Variants in PCDH15 observed in about 807,000 individuals in gnomAD.
PCDH15 encodes protocadherin related 15, also known as protocadherin-15.
PCDH15 carries 129 observed loss-of-function variants against 178.5 expected under a neutral mutation model. That is an observed-to-expected ratio of 0.72 (90% CI 0.63 to 0.84). The LOEUF (loss-of-function observed/expected upper bound fraction) is 0.84. Ranked by LOEUF, PCDH15 falls within the 40% of genes least tolerant of loss-of-function variation. PCDH15 has a pLI of 0.00. For missense variants in PCDH15, 2,230 were observed against 2,099.9 expected (o/e 1.06, Z -1.21); for synonymous variants, 800 against 732.0 (o/e 1.09, Z -1.50).
At chr10:55,354,593 T>C (rs971257034) in intron 2 of PCDH15, among the ~76,000 whole-genome samples, 1 of 152,084 alleles carries the variant, frequency 6.6e-6, no homozygotes, top group Non-Finnish European at 1.5e-5. Flanking sequence ...TAAGAATATG[T>C]GTTAAAAATA....
At chr10:54,388,068 T>G (rs1589159277) in intron 3 of PCDH15, among the ~76,000 whole-genome samples, 1 of 152,198 alleles carries the variant, frequency 6.6e-6, no homozygotes, top group Non-Finnish European at 1.5e-5. Context: ...GCTGCACAAC[T>G]GTATGAATAT....
chr10:55,562,203 AACTTCAGT>A (rs1162190065), intron 2 of PCDH15, among the ~76,000 whole-genome samples: 1 of 151,940 alleles, frequency 6.6e-6, no homozygotes, highest in Admixed American at 6.6e-5. Flanking sequence ...AAGAACACAG[AACTTCAGT>A]TTAGCTGGAA....
chr10:55,624,077 A>G (rs1375964366), intron 2 of PCDH15, among the ~76,000 whole-genome samples: 2 of 152,072 alleles, frequency 1.3e-5, no homozygotes, highest in Non-Finnish European at 2.9e-5. Context: ...TTATTTTACA[A>G]AGAAGCCCTT....
At chr10:54,890,404 G>C (rs1254637694) in intron 3 of PCDH15, among the ~76,000 whole-genome samples, 2 of 151,910 alleles carry the variant, frequency 1.3e-5, no homozygotes, top group Non-Finnish European at 2.9e-5. Context: ...AAAGCAAAAA[G>C]ATAAATGTAA....
At chr10:54,960,551 C>T (rs1838617953) in intron 2 of PCDH15, among the ~76,000 whole-genome samples, 1 of 152,080 alleles carries the variant, frequency 6.6e-6, no homozygotes, top group Admixed American at 6.6e-5. Flanking sequence ...ATTTATGGGC[C>T]TGATTTCAGT....
At chr10:54,316,570 ACACAC>A (rs1053611716) in intron 8 of PCDH15, among the ~76,000 whole-genome samples, 5 of 46,114 alleles carry the variant, frequency 1.1e-4, no homozygotes, top group Admixed American at 4.0e-4. Context: ...ACACACACAC[ACACAC>A]AAATACACCT....
intron 8 of PCDH15, among the ~76,000 whole-genome samples, chr10:54,303,101 A>G (rs1224941599): frequency 6.6e-6 from 1 of 152,162 alleles, no homozygotes; most frequent in African/African-American, 2.4e-5. Flanking sequence ...GAGCCTTCAG[A>G]AGGGACTGGC....
At chr10:55,607,132 A>C (rs1465410743) in intron 2 of PCDH15, among the ~76,000 whole-genome samples, 50 of 152,250 alleles carry the variant, frequency 3.3e-4, no homozygotes, top group Admixed American at 2.4e-3. Context: ...ATGCAGCCAA[A>C]AAACACATGA....
intron 15 of PCDH15, among the ~76,000 whole-genome samples, chr10:54,125,067 A>C (rs1318994687): frequency 6.6e-6 from 1 of 152,216 alleles, no homozygotes; most frequent in Non-Finnish European, 1.5e-5. Flanking sequence ...AGAATGGATA[A>C]AGATTAAAAG....
intron 3 of PCDH15, among the ~76,000 whole-genome samples, chr10:54,438,885 C>T (rs2075612722): frequency 6.6e-6 from 1 of 152,216 alleles, no homozygotes; most frequent in East Asian, 1.9e-4. Flanking sequence ...AGCTAATTCA[C>T]TGTCTATATG....
chr10:54,354,364 C>T (rs979076299), intron 5 of PCDH15, among the ~76,000 whole-genome samples: 2 of 152,170 alleles, frequency 1.3e-5, no homozygotes, highest in African/African-American at 4.8e-5. Flanking sequence ...CACGTACATG[C>T]TTAAAGTAAA....
intron 2 of PCDH15, among the ~76,000 whole-genome samples, chr10:55,050,735 T>A (rs1025638869): frequency 2.0e-5 from 3 of 152,126 alleles, no homozygotes; most frequent in Non-Finnish European, 4.4e-5. Context: ...CCAAAAGGAA[T>A]AACTGGCAGT....
At chr10:55,359,046 A>T (rs1588951319) in intron 2 of PCDH15, among the ~76,000 whole-genome samples, 1 of 152,118 alleles carries the variant, frequency 6.6e-6, no homozygotes, top group East Asian at 1.9e-4. Context: ...AATTTATAAA[A>T]ATATAACTAG....
chr10:54,689,694 T>A (rs2095080495), intron 1 of PCDH15, among the ~76,000 whole-genome samples: 1 of 152,210 alleles, frequency 6.6e-6, no homozygotes, highest in Non-Finnish European at 1.5e-5. Context: ...TTTGCATGAC[T>A]GTGTTATACA....
At chr10:53,950,591 G>T (rs1048878293) in intron 23 of PCDH15, among the ~76,000 whole-genome samples, 1 of 152,070 alleles carries the variant, frequency 6.6e-6, no homozygotes, top group South Asian at 2.1e-4. Flanking sequence ...TATTCCAGAC[G>T]TGTTGACCTT....
At position 54,242,143 on chromosome 10, in the gene PCDH15, T is replaced by TAC. The variant is rs2055412860; in HGVS notation, c.877-5213_877-5212insGT. Among the ~76,000 whole-genome samples, 62 of 39,770 alleles carry TAC rather than the reference T, an allele frequency of 1.6e-3. 2 individuals carry two copies. Among genetic ancestry groups the TAC allele is most frequent in the African/African-American group, 7.1e-3 (47 of 6,666 alleles). The allele number at this position is 39,770 out of a possible 152,430, so 26.1% of individuals were successfully genotyped here. A position where few individuals can be genotyped will look rare whatever the true frequency, so the allele number is the denominator to read the frequency against. On this transcript the variant is annotated intron_variant, in intron 8 of 37. Transcript: ENST00000644397. ...TGAATTCTATTTTTATATATATATA[T>TAC]ATATATATATATATATATATATATA... is the stretch of plus-strand genomic sequence containing the variant.
chr10:54,623,505 AT>A (rs1323158587), intron 2 of PCDH15, among the ~76,000 whole-genome samples: 3 of 152,124 alleles, frequency 2.0e-5, no homozygotes, highest in African/African-American at 7.2e-5. Flanking sequence ...GCTGAGAAAA[AT>A]ATGAATGTTC....
At chr10:54,160,026 A>T (rs1055458435) in intron 13 of PCDH15, among the ~76,000 whole-genome samples, 2 of 152,172 alleles carry the variant, frequency 1.3e-5, no homozygotes, top group Non-Finnish European at 1.5e-5. Context: ...GATATATATG[A>T]ATTGCCAGAA....
At chr10:54,901,398 C>T (rs550841826) in intron 2 of PCDH15, among the ~76,000 whole-genome samples, 1 of 152,136 alleles carries the variant, frequency 6.6e-6, no homozygotes, top group African/African-American at 2.4e-5. Context: ...AGTGTCAAGT[C>T]TCTATGAAAT....
Sources: allele counts gnomAD v4.1 joint callset (sites outside exome capture counted in the v4.1 genomes callset), GRCh38; gene constraint gnomAD v4.1.1; transcripts MANE v1.5; gene names NCBI Gene and HGNC (gene_info 2026-07-23, HGNC 2026-07-21).